Variants in XKR4 observed in about 807,000 individuals in gnomAD.
XKR4 encodes the protein XK related 4.
Under a neutral mutation model 53.9 loss-of-function variants are expected in XKR4, and 12 were observed. That is an observed-to-expected ratio of 0.22 (90% CI 0.14 to 0.36). XKR4 has a LOEUF of 0.36. Ranked by LOEUF, XKR4 falls within the 10% of genes least tolerant of loss-of-function variation. The pLI is 1.00. For missense variants in XKR4, 799 were observed against 859.5 expected (o/e 0.93, Z 0.88); for synonymous variants, 354 against 362.4 (o/e 0.98, Z 0.26).
At chr8:55,489,474 C>T (rs1806241660) in intron 2 of XKR4, among the ~76,000 whole-genome samples, 1 of 151,888 alleles carries the variant, frequency 6.6e-6, no homozygotes, top group Admixed American at 6.6e-5. Flanking sequence ...AAATTAAAAA[C>T]CCGTGGAGAG....
intron 2 of XKR4, chr8:55,452,235 C>A: frequency 4.6e-6 from 3 of 653,052 alleles, no homozygotes; most frequent in South Asian, 3.5e-5. Context: ...TGTGCAGGAG[C>A]GCAGCTGCAG....
At chr8:55,402,901 A>G (rs1342962706) in intron 2 of XKR4, among the ~76,000 whole-genome samples, 1 of 152,200 alleles carries the variant, frequency 6.6e-6, no homozygotes, top group South Asian at 2.1e-4. Context: ...TGCCTAAGTC[A>G]GGGTGTGCAG....
In XKR4 at chr8:55,538,736, C is replaced by T. The variant is rs1219097108; in HGVS notation, c.*14509C>T. 6.6e-6 allele frequency: 1 copy of T among 152,178 alleles called. No individual in the cohort carries two copies. Among genetic ancestry groups the T allele is most frequent in the Non-Finnish European group, 1.5e-5 (1 of 68,030 alleles). The allele number at this position is 152,178 out of a possible 1,614,324, so 9.4% of individuals were successfully genotyped here. A position where few individuals can be genotyped will look rare whatever the true frequency, so the allele number is the denominator to read the frequency against. The stretch of plus-strand genomic sequence containing the variant: ...GCGTGCATGATGCCCCAGTTCTGTA[C>T]TCATGATCACCAGGTGGCGTTCTGA... On this transcript the variant is annotated 3_prime_UTR_variant, in exon 3 of 3. Coordinates refer to ENST00000327381, the MANE Select transcript of XKR4 (RefSeq NM_052898.2).
At chr8:55,109,353 T>C (rs1213078307) in intron 1 of XKR4, among the ~76,000 whole-genome samples, 1 of 152,218 alleles carries the variant, frequency 6.6e-6, no homozygotes, top group Admixed American at 6.5e-5. Flanking sequence ...CTTTGCTTTT[T>C]TGTGGATGAA....
At chr8:55,346,778 A>G (rs1803651936) in intron 1 of XKR4, among the ~76,000 whole-genome samples, 2 of 150,808 alleles carry the variant, frequency 1.3e-5, no homozygotes, top group Non-Finnish European at 2.9e-5. Context: ...TGCTGGAATC[A>G]CTGTTTAGTA....
intron 1 of XKR4, among the ~76,000 whole-genome samples, chr8:55,233,510 A>G (rs937775617): frequency 2.0e-5 from 3 of 152,212 alleles, no homozygotes; most frequent in African/African-American, 7.2e-5. Context: ...ACAGGCTTGC[A>G]AAGGAAGTGG....
chr8:55,428,778 G>A (rs1033822131), intron 2 of XKR4, among the ~76,000 whole-genome samples: 10 of 151,890 alleles, frequency 6.6e-5, no homozygotes, highest in African/African-American at 2.4e-4. Context: ...AAAGTGAAAG[G>A]GATCTAAGTA....
chr8:55,504,214 TTTGTTTTG>T lies in XKR4; in HGVS notation c.1007-19064_1007-19057del, dbSNP rs1217597269. ...TTTGTTTTGTTTTGTTTTGTTTTGT[TTTGTTTTG>T]TTTTGTTTGAGACAGAGTCTCACTC... On this transcript the variant is annotated intron_variant, in intron 2 of 2. Transcript: ENST00000327381. Among the ~76,000 whole-genome samples the T allele has an allele frequency of 4.0e-5, 6 of 151,622 alleles. No homozygotes were observed. The East Asian group carries it at 9.7e-4, about 24-fold the overall frequency.
chr8:55,207,450 A>T (rs1350567462), intron 1 of XKR4, among the ~76,000 whole-genome samples: 1 of 152,152 alleles, frequency 6.6e-6, no homozygotes, highest in Non-Finnish European at 1.5e-5. Flanking sequence ...CATACTGTAC[A>T]TGTGTGTACT....
intron 1 of XKR4, among the ~76,000 whole-genome samples, chr8:55,150,552 G>A (rs988765381): frequency 6.6e-5 from 10 of 152,006 alleles, no homozygotes; most frequent in African/African-American, 1.2e-4. Context: ...GCTCACCCCC[G>A]GAACCCTGCC....
intron 2 of XKR4, among the ~76,000 whole-genome samples, chr8:55,399,019 A>G (rs144199816): frequency 1.1e-3 from 161 of 152,356 alleles, no homozygotes; most frequent in East Asian, 9.8e-3. Flanking sequence ...GCAATATTTT[A>G]GTACACCACA....
chr8:55,442,909 T>C (rs1805290742), intron 2 of XKR4, among the ~76,000 whole-genome samples: 1 of 152,146 alleles, frequency 6.6e-6, no homozygotes, highest in Non-Finnish European at 1.5e-5. Context: ...CAACACTGAA[T>C]TGTACACTTT....
chr8:55,492,410 T>A (rs1315546038), intron 2 of XKR4, among the ~76,000 whole-genome samples: 1 of 152,252 alleles, frequency 6.6e-6, no homozygotes, highest in Non-Finnish European at 1.5e-5. Context: ...ATGATTTTAT[T>A]TCTCTTAAAC....
chr8:55,405,044 C>G (rs1273232720), intron 2 of XKR4, among the ~76,000 whole-genome samples: 1 of 152,150 alleles, frequency 6.6e-6, no homozygotes, highest in Admixed American at 6.5e-5. Context: ...GAACTTGATG[C>G]CTTAATACAC....
chr8:55,195,171 T>TG (rs1473663045), intron 1 of XKR4, among the ~76,000 whole-genome samples: 1 of 98,956 alleles, frequency 1.0e-5, no homozygotes, highest in South Asian at 2.6e-4. Context: ...ATGAACTAAC[T>TG]GGAAAAAAAG....
At chr8:55,387,635 C>G (rs973033770) in intron 2 of XKR4, among the ~76,000 whole-genome samples, 1 of 152,224 alleles carries the variant, frequency 6.6e-6, no homozygotes, top group African/African-American at 2.4e-5. Flanking sequence ...AGACCTTCTG[C>G]CCTCTGAGTG....
intron 2 of XKR4, among the ~76,000 whole-genome samples, chr8:55,429,273 A>T (rs1805063374): frequency 6.6e-6 from 1 of 152,252 alleles, no homozygotes; most frequent in African/African-American, 2.4e-5. Flanking sequence ...ACAAGAATTA[A>T]TTCAAAATGG....
chr8:55,501,618 C>T (rs1366159756), intron 2 of XKR4, among the ~76,000 whole-genome samples: 3 of 152,088 alleles, frequency 2.0e-5, no homozygotes, highest in Non-Finnish European at 4.4e-5. Flanking sequence ...ATCCATGTAG[C>T]ATGTGTCAGA....
chr8:55,170,270 C>G (rs569259839), intron 1 of XKR4, among the ~76,000 whole-genome samples: 1 of 152,210 alleles, frequency 6.6e-6, no homozygotes, highest in African/African-American at 2.4e-5. Flanking sequence ...CTCCATGATG[C>G]AGATGAAAAT....
Sources: gnomAD v4.1 joint callset for allele counts (sites outside exome capture counted in the v4.1 genomes callset) on GRCh38, gnomAD v4.1.1 for gene constraint, MANE v1.5 for transcripts, NCBI Gene and HGNC (gene_info 2026-07-23, HGNC 2026-07-21) for gene names.